The following TBC1D5 variants were observed in gnomAD, a reference collection of about 807,000 sequenced individuals.
TBC1D5 encodes TBC1 domain family member 5.
TBC1D5 carries 75 observed loss-of-function variants against 100.3 expected under a neutral mutation model. The observed-to-expected ratio is 0.75, with a 90% CI of 0.62 to 0.91. The LOEUF is 0.91. Among genes scored for constraint, TBC1D5 ranks in the 40% least tolerant of loss-of-function variants. The pLI is 0.00. For missense variants in TBC1D5, 910 were observed against 942.4 expected (o/e 0.97, Z 0.45); for synonymous variants, 323 against 325.6 (o/e 0.99, Z 0.09).
intron 2 of TBC1D5, among the ~76,000 whole-genome samples, chr3:17,530,855 T>G (rs908941555): frequency 1.3e-5 from 2 of 152,338 alleles, no homozygotes; most frequent in East Asian, 3.9e-4. Context: ...GAGCTATCTA[T>G]GACAAACCCA....
chr3:17,729,352 A>AGAG (rs1553935287), intron 1 of TBC1D5, among the ~76,000 whole-genome samples: 4 of 140,912 alleles, frequency 2.8e-5, no homozygotes, highest in Non-Finnish European at 6.1e-5. Context: ...GAAATTTGAG[A>AGAG]GAAAAAAAAA....
intron 19 of TBC1D5, among the ~76,000 whole-genome samples, chr3:17,169,958 G>A (rs1029222768): frequency 3.3e-5 from 5 of 152,178 alleles, no homozygotes; most frequent in Non-Finnish European, 7.4e-5. Context: ...TTCACAATAG[G>A]GTTTGCGATC....
chr3:17,404,857 A>G lies in TBC1D5; in HGVS notation c.366+15T>C, dbSNP rs2093729386. On this transcript the variant is annotated intron_variant, in intron 6 of 21. Transcript: ENST00000253692. Reference sequence around the variant, plus strand: ...AAGAAAACAATTACATTAATTAAATATACTATTTACTTACTATTTCTTTAA... The same window carrying G: ...AAGAAAACAATTACATTAATTAAATGTACTATTTACTTACTATTTCTTTAA... 3 of 1,557,356 alleles carry G rather than the reference A, an allele frequency of 1.9e-6. No individual in the cohort carries two copies. Among genetic ancestry groups the G allele is most frequent in the Non-Finnish European group, 2.6e-6 (3 of 1,144,368 alleles).
At chr3:17,696,363 A>G (rs2072077868) in intron 1 of TBC1D5, among the ~76,000 whole-genome samples, 1 of 152,162 alleles carries the variant, frequency 6.6e-6, no homozygotes, top group South Asian at 2.1e-4. Context: ...CAAGACTAAT[A>G]AAGAAGAAAG....
intron 3 of TBC1D5, among the ~76,000 whole-genome samples, chr3:17,455,245 ATTG>A (rs2095035656): frequency 7.8e-6 from 1 of 128,856 alleles, no homozygotes; most frequent in Non-Finnish European, 1.6e-5. Flanking sequence ...TACATATATT[ATTG>A]TATATATGTA....
At chr3:17,434,413 C>A (rs1460257170) in intron 3 of TBC1D5, among the ~76,000 whole-genome samples, 1 of 152,182 alleles carries the variant, frequency 6.6e-6, no homozygotes, top group Admixed American at 6.5e-5. Context: ...TGAAAGCTGC[C>A]AAGGCTTGGG....
chr3:17,572,751 C>T (rs373084153), intron 2 of TBC1D5, among the ~76,000 whole-genome samples: 6 of 152,064 alleles, frequency 3.9e-5, no homozygotes, highest in Non-Finnish European at 8.8e-5. Context: ...ATCACACTGT[C>T]GTGTTGTTGT....
chr3:17,504,814 CA>C (rs2095827248), intron 3 of TBC1D5, among the ~76,000 whole-genome samples: 2 of 152,146 alleles, frequency 1.3e-5, no homozygotes, highest in South Asian at 4.1e-4. Context: ...ATCTTTTAAT[CA>C]AATTTAAATC....
At chr3:17,334,753 T>A (rs1056436904) in intron 13 of TBC1D5, among the ~76,000 whole-genome samples, 1 of 152,178 alleles carries the variant, frequency 6.6e-6, no homozygotes, top group Non-Finnish European at 1.5e-5. Flanking sequence ...TACTGGTAAG[T>A]CAACTTTAGA....
intron 8 of TBC1D5, among the ~76,000 whole-genome samples, chr3:17,396,746 T>TC (rs1352865086): frequency 1.3e-5 from 2 of 152,146 alleles, no homozygotes; most frequent in Non-Finnish European, 2.9e-5. Flanking sequence ...AAAATTCATG[T>TC]CATTTTCTAA....
intron 19 of TBC1D5, among the ~76,000 whole-genome samples, chr3:17,181,537 A>G (rs1025354524): frequency 5.3e-5 from 8 of 152,232 alleles, no homozygotes; most frequent in African/African-American, 1.9e-4. Context: ...ATTCATAAGC[A>G]GGCTGAGTTA....
At chr3:17,176,770 G>C (rs1481193908) in intron 19 of TBC1D5, among the ~76,000 whole-genome samples, 1 of 150,494 alleles carries the variant, frequency 6.6e-6, no homozygotes, top group Non-Finnish European at 1.5e-5. Context: ...TGCATGTTCT[G>C]CACATGCACC....
chr3:17,519,143 T>C (rs901872780), intron 2 of TBC1D5: 72 of 152,318 alleles, frequency 4.7e-4, no homozygotes, highest in African/African-American at 1.7e-3. Flanking sequence ...AGGCAGTGCA[T>C]GCACATTTCA....
chr3:17,547,553 C>A (rs574086306), intron 2 of TBC1D5, among the ~76,000 whole-genome samples: 1 of 152,262 alleles, frequency 6.6e-6, no homozygotes, highest in South Asian at 2.1e-4. Flanking sequence ...CCATTTCTTT[C>A]TTTTTCCTAT....
At chr3:17,464,745 A>G (rs768014315) in intron 3 of TBC1D5, among the ~76,000 whole-genome samples, 2 of 152,122 alleles carry the variant, frequency 1.3e-5, no homozygotes, top group Admixed American at 6.6e-5. Flanking sequence ...TCCTTCTTCC[A>G]TTAGCAATAT....
chr3:17,350,870 T>C (rs1010547661), intron 13 of TBC1D5, among the ~76,000 whole-genome samples: 1 of 152,164 alleles, frequency 6.6e-6, no homozygotes, highest in African/African-American at 2.4e-5. Flanking sequence ...AACAGAATCA[T>C]TTACTTTCAG....
intron 13 of TBC1D5, among the ~76,000 whole-genome samples, chr3:17,315,586 T>C (rs1337850875): frequency 6.6e-6 from 1 of 152,234 alleles, no homozygotes; most frequent in Non-Finnish European, 1.5e-5. Flanking sequence ...AATAAAGGGC[T>C]AAACTCCAAG....
chr3:17,360,324 A>T (rs1044487276), intron 13 of TBC1D5, among the ~76,000 whole-genome samples: 1 of 152,036 alleles, frequency 6.6e-6, no homozygotes, highest in African/African-American at 2.4e-5. Flanking sequence ...GTAAAGTCAC[A>T]GTTTTATCAG....
At chr3:17,330,102 T>C (rs768531701) in intron 13 of TBC1D5, among the ~76,000 whole-genome samples, 3 of 152,050 alleles carry the variant, frequency 2.0e-5, no homozygotes, top group African/African-American at 4.8e-5. Flanking sequence ...AGTTGCCCCA[T>C]CACATTTTAT....
Sources: allele counts gnomAD v4.1 joint callset (sites outside exome capture counted in the v4.1 genomes callset), GRCh38; gene constraint gnomAD v4.1.1; transcripts MANE v1.5; gene names NCBI Gene and HGNC (gene_info 2026-07-23, HGNC 2026-07-21).